Variants in LAMA2 observed in about 807,000 individuals in gnomAD.
LAMA2 encodes laminin subunit alpha 2.
LAMA2 carries 269 observed loss-of-function variants against 364.8 expected under a neutral mutation model. The observed-to-expected ratio is 0.74, with a 90% CI of 0.67 to 0.82. LAMA2 has a LOEUF of 0.82. Ranked by LOEUF, LAMA2 falls within the 40% of genes least tolerant of loss-of-function variation. The pLI is 0.00. For missense variants in LAMA2, 3,807 were observed against 3,873.2 expected, an observed-to-expected ratio of 0.98 and a Z score of 0.45; for synonymous variants, 1,379 against 1,370.6, an observed-to-expected ratio of 1.01 and a Z score of -0.14.
Position 129,222,513 on chromosome 6 carries a change from C to A in LAMA2, c.1783-27599C>A, listed in dbSNP as rs372680864. On this transcript the variant is annotated intron_variant, in intron 12 of 64. Coordinates refer to ENST00000421865, the MANE Select transcript of LAMA2 (RefSeq NM_000426.4). The stretch of plus-strand genomic sequence containing the variant: ...CCCCCTCCCCCCACCCTACGACAGG[C>A]CCCGGTGTGTGATGTTCCCCTTCCT... Among the ~76,000 whole-genome samples the A allele has an allele frequency of 2.6e-5, 3 of 114,190 alleles. No individual in the cohort carries two copies. The East Asian group carries it at 9.8e-4, about 37-fold the overall frequency. 74.9% of individuals were successfully genotyped at this position (114,190 alleles called of 152,430 possible).
rs1774307318 is a variant in LAMA2, at chr6:129,312,747, A to C, written c.3175-114A>C. ...TAAACTAGAATAGTACAAAGCCTAT[A>C]ACAGATACATGATTAATATGTGTTT... On this transcript the variant is annotated intron_variant, in intron 22 of 64. Transcript: ENST00000421865. The C allele has an allele frequency of 3.8e-6, 3 of 781,710 alleles. No homozygotes were observed. The African/African-American group carries it at 5.1e-5, about 13-fold the overall frequency. The allele number at this position is 781,710 out of a possible 1,614,324, so 48.4% of individuals were successfully genotyped here.
At chr6:128,939,883 T>C (rs893512688) in intron 1 of LAMA2, among the ~76,000 whole-genome samples, 1 of 152,128 alleles carries the variant, frequency 6.6e-6, no homozygotes, top group Admixed American at 6.5e-5. Context: ...GCCCCACCAT[T>C]GCCTTCTAGA....
intron 1 of LAMA2, among the ~76,000 whole-genome samples, chr6:128,998,125 C>T (rs996845864): frequency 4.0e-5 from 6 of 151,804 alleles, no homozygotes; most frequent in Non-Finnish European, 7.4e-5. Context: ...AAGAGGTCAG[C>T]GAGGAGGTAA....
chr6:128,917,706 T>TCTTTC (rs1554322939), intron 1 of LAMA2, among the ~76,000 whole-genome samples: 13 of 98,366 alleles, frequency 1.3e-4, no homozygotes, highest in Non-Finnish European at 1.7e-4. Flanking sequence ...TTTCTTTTTT[T>TCTTTC]TTTCTTTCTT....
intron 45 of LAMA2, among the ~76,000 whole-genome samples, chr6:129,449,051 A>G (rs1420854091): frequency 1.3e-5 from 2 of 152,226 alleles, no homozygotes; most frequent in Non-Finnish European, 2.9e-5. Context: ...ATCAAAACAG[A>G]AAGTATTCAA....
intron 1 of LAMA2, among the ~76,000 whole-genome samples, chr6:129,039,755 G>A (rs909873919): frequency 6.6e-5 from 10 of 152,288 alleles, no homozygotes; most frequent in African/African-American, 2.4e-4. Context: ...TCACAACCTA[G>A]ATCCCTCGCA....
chr6:129,412,538 A>G (rs574417785), intron 40 of LAMA2, among the ~76,000 whole-genome samples: 52 of 152,320 alleles, frequency 3.4e-4, no homozygotes, highest in African/African-American at 1.2e-3. Context: ...GAGAATTTTC[A>G]ATCAATTCTG....
rs951816724 is a variant in LAMA2, at chr6:129,441,419, T to C, written c.6268+421T>C. On this transcript the variant is annotated intron_variant, in intron 43 of 64. Transcript: ENST00000421865. Reference sequence around the variant, plus strand: ...TTGTTAGAACAGGATATGAAAATGATATCAACTTGAAATGCATTAAAATTT... The same window carrying C: ...TTGTTAGAACAGGATATGAAAATGACATCAACTTGAAATGCATTAAAATTT... Among the ~76,000 whole-genome samples the C allele has an allele frequency of 2.0e-5, 3 of 152,168 alleles. No individual in the cohort carries two copies. In the East Asian group the frequency reaches 5.8e-4, roughly 29 times the overall value.
chr6:129,208,638 G>A (rs1048055362), intron 12 of LAMA2, among the ~76,000 whole-genome samples: 1 of 140,786 alleles, frequency 7.1e-6, no homozygotes, highest in South Asian at 2.3e-4. Context: ...AAAGAAGAAA[G>A]AAAGAAGGAA....
In LAMA2 at chr6:129,049,516, T is replaced by G. The variant is rs75571379; in HGVS notation, c.113-402T>G. On this transcript the variant is annotated intron_variant, in intron 1 of 64. Transcript: ENST00000421865. ...ATGAAAAAATATATTTGCATAGTTG[T>G]GCAGAAACATTAACATGCAATTATG... 2.6e-3 allele frequency among the ~76,000 whole-genome samples: 398 copies of G among 152,172 alleles called. 10 individuals carry two copies. In the East Asian group the frequency reaches 0.066, roughly 25 times the overall value.
At chr6:129,256,643 C>G (rs1183572016) in intron 14 of LAMA2, among the ~76,000 whole-genome samples, 1 of 151,432 alleles carries the variant, frequency 6.6e-6, no homozygotes, top group Non-Finnish European at 1.5e-5. Flanking sequence ...ATTTAATACA[C>G]TTTTAATAAA....
intron 51 of LAMA2, among the ~76,000 whole-genome samples, chr6:129,472,273 C>T (rs1783849052): frequency 6.6e-6 from 1 of 151,934 alleles, no homozygotes; most frequent in African/African-American, 2.4e-5. Context: ...CATTTTCAAA[C>T]CCTTGCTTAT....
intron 14 of LAMA2, among the ~76,000 whole-genome samples, chr6:129,259,748 A>T (rs568684266): frequency 1.3e-5 from 2 of 151,998 alleles, no homozygotes; most frequent in Non-Finnish European, 2.9e-5. Flanking sequence ...TGGTGTATGG[A>T]CTATTATATT....
chr6:129,122,493 GA>G (rs1776855663), intron 4 of LAMA2, among the ~76,000 whole-genome samples: 1 of 152,182 alleles, frequency 6.6e-6, no homozygotes, highest in African/African-American at 2.4e-5. Context: ...CATGACTTTG[GA>G]AATCTATGGG....
intron 1 of LAMA2, among the ~76,000 whole-genome samples, chr6:128,969,172 T>C (rs1369163389): frequency 6.6e-6 from 1 of 152,182 alleles, no homozygotes; most frequent in Non-Finnish European, 1.5e-5. Context: ...AGGGTTAATA[T>C]AACAGGAGGG....
chr6:129,214,092 G>T (rs146609182), intron 12 of LAMA2, among the ~76,000 whole-genome samples: 1 of 152,196 alleles, frequency 6.6e-6, no homozygotes, highest in East Asian at 1.9e-4. Flanking sequence ...TCAATTTTCT[G>T]TTGCTATAAC....
At chr6:129,097,777 A>G (rs143742125) in intron 3 of LAMA2, among the ~76,000 whole-genome samples, 2,182 of 152,364 alleles carry the variant, frequency 0.014, 20 homozygotes, top group Admixed American at 0.022. Flanking sequence ...TTTCTAAACT[A>G]TCAAGCACTA....
At chr6:129,461,864 G>A (rs1583808260) in intron 49 of LAMA2, among the ~76,000 whole-genome samples, 1 of 151,922 alleles carries the variant, frequency 6.6e-6, no homozygotes, top group South Asian at 2.1e-4. Context: ...GCCATGAAAA[G>A]ACATCACCAG....
chr6:128,964,220 G>A (rs1011176544), intron 1 of LAMA2, among the ~76,000 whole-genome samples: 31 of 152,030 alleles, frequency 2.0e-4, no homozygotes, highest in African/African-American at 7.5e-4. Context: ...TGCATTTTAT[G>A]TGATATCTGA....
Sources: gnomAD v4.1 joint callset for allele counts (sites outside exome capture counted in the v4.1 genomes callset) on GRCh38, gnomAD v4.1.1 for gene constraint, MANE v1.5 for transcripts, NCBI Gene and HGNC (gene_info 2026-07-23, HGNC 2026-07-21) for gene names.